The following RRP12 variants were observed in gnomAD, a reference collection of about 807,000 sequenced individuals.
RRP12 encodes RRP12-like protein.
RRP12 carries 78 observed loss-of-function variants against 157.3 expected under a neutral mutation model. The ratio of observed to expected loss-of-function variants is 0.50; its 90% CI spans 0.41 to 0.60. The LOEUF (loss-of-function observed/expected upper bound fraction) is 0.60, where lower values mean the gene tolerates loss of function less well. Ranked by LOEUF, RRP12 falls within the 20% of genes least tolerant of loss-of-function variation. RRP12 has a pLI of 0.00. For synonymous variants in RRP12, 726 were observed against 670.9 expected (o/e 1.08, Z -1.27); for missense variants, 1,521 against 1,679.9 (o/e 0.91, Z 1.65).
chr10:97,398,094 C>G (rs1225784446), intron 2 of RRP12, among the ~76,000 whole-genome samples: 1 of 69,718 alleles, frequency 1.4e-5, no homozygotes, highest in African/African-American at 8.0e-5. Flanking sequence ...GTTGCCCAGG[C>G]CGGACTGCGG....
intron 15 of RRP12, among the ~76,000 whole-genome samples, chr10:97,377,519 A>G (rs1412262783): frequency 1.4e-5 from 2 of 146,816 alleles, no homozygotes; most frequent in Non-Finnish European, 1.5e-5. Context: ...ACAGAACAAG[A>G]ATAAATGTGT....
At chr10:97,378,351 T>C (rs1396074699) in intron 15 of RRP12, among the ~76,000 whole-genome samples, 3 of 152,200 alleles carry the variant, frequency 2.0e-5, no homozygotes, top group African/African-American at 7.2e-5. Context: ...CTATGTGGTA[T>C]AGTCTATTGC....
Position 97,378,782 on chromosome 10 carries a change from G to A in RRP12, c.1798+511C>T, listed in dbSNP as rs370319748. 3.9e-5 allele frequency among the ~76,000 whole-genome samples: 6 copies of A among 152,070 alleles called. No individual in the cohort carries two copies. In the East Asian group the frequency reaches 7.7e-4, roughly 19 times the overall value. Reference sequence around the variant, plus strand: ...TGAGGCAGGAGAATCACTTGAACCCGGAAGGCGGAGGTTGCAGTGAGCCGA... The same window carrying A: ...TGAGGCAGGAGAATCACTTGAACCCAGAAGGCGGAGGTTGCAGTGAGCCGA... On this transcript the variant is annotated intron_variant, in intron 15 of 33. Transcript: ENST00000370992.
chr10:97,381,814 G>A lies in RRP12; in HGVS notation c.1221C>T (p.Asp407=). Residue 407 remains aspartate, a synonymous_variant, in exon 11 of 34, where the codon GAC becomes GAT. Coordinates refer to ENST00000370992, the MANE Select transcript of RRP12 (RefSeq NM_015179.4). ...AGCGAGGGAGGTGGCCTAGCCCCAG[G>A]TCCCACTGCAACCTGTCAAGACAAA... ...AHINLVRLQW[D]LGLGHLPRFF... The A allele has an allele frequency of 1.2e-6, 2 of 1,613,828 alleles. No individual in the cohort carries two copies. The highest frequency in any genetic ancestry group is 1.7e-6 in the Non-Finnish European group (2 of 1,179,754).
At chr10:97,378,984 G>T (rs938053793) in intron 15 of RRP12, among the ~76,000 whole-genome samples, 7 of 152,366 alleles carry the variant, frequency 4.6e-5, no homozygotes, top group Admixed American at 2.0e-4. Flanking sequence ...GCATGAGGAA[G>T]AAGGGGCACA....
chr10:97,369,326 A>G, intron 25 of RRP12, 99 bp downstream of exon 25: 1 of 1,304,878 alleles, frequency 7.7e-7, no homozygotes, highest in Non-Finnish European at 1.1e-6. Context: ...TGGCTACAAA[A>G]AAAATAGTTT....
At position 97,367,085 on chromosome 10, in the gene RRP12, G is replaced by C. The variant is rs754918493; in HGVS notation, c.3003C>G (p.Arg1001=). 6.8e-6 allele frequency: 11 copies of C among 1,614,082 alleles called. No homozygotes were observed. In the Admixed American group the frequency reaches 1.8e-4, roughly 27 times the overall value. ...TGGTGAACAGGTTCCGAAGCTTCAT[G>C]CGGAAGTGCCGCCGCATGTCATCTG... ...KLSDDMRRHF[R]MKLRNLFTKF... Residue 1001 remains arginine, a synonymous_variant, in exon 26 of 34, where the codon CGC becomes CGG. Coordinates refer to ENST00000370992, the MANE Select transcript of RRP12 (RefSeq NM_015179.4).
At chr10:97,398,032 TATACG>T (rs1564772554) in intron 2 of RRP12, among the ~76,000 whole-genome samples, 5 of 93,514 alleles carry the variant, frequency 5.3e-5, no homozygotes, top group African/African-American at 2.5e-4. Flanking sequence ...TGTATATATA[TATACG>T]TATTTTTTTT....
At chr10:97,374,171 G>T (rs570009613) in intron 15 of RRP12, among the ~76,000 whole-genome samples, 49 of 151,688 alleles carry the variant, frequency 3.2e-4, no homozygotes, top group Middle Eastern at 3.4e-3. Flanking sequence ...AATTTTTTTT[G>T]TTTGTTTGTT....
chr10:97,366,292 A>C, intron 28 of RRP12, 59 bp from the exon 29 acceptor site: 1 of 1,593,222 alleles, frequency 6.3e-7, no homozygotes, highest in Non-Finnish European at 8.5e-7. Flanking sequence ...ACTCACCCTC[A>C]TCATGACCAA....
At chr10:97,387,120 T>C (rs2133081228) in intron 8 of RRP12, among the ~76,000 whole-genome samples, 1 of 152,258 alleles carries the variant, frequency 6.6e-6, no homozygotes, top group African/African-American at 2.4e-5. Context: ...AGTATTTCCA[T>C]ATAACCTACA....
intron 15 of RRP12, among the ~76,000 whole-genome samples, chr10:97,376,160 A>C (rs987298470): frequency 6.6e-6 from 1 of 151,872 alleles, no homozygotes; most frequent in African/African-American, 2.4e-5. Context: ...AATACATTAA[A>C]AACTTGAGTA....
At chr10:97,358,266 G>A (rs1369820028) in intron 33 of RRP12, among the ~76,000 whole-genome samples, 2 of 152,148 alleles carry the variant, frequency 1.3e-5, no homozygotes, top group Admixed American at 1.3e-4. Context: ...CTGGGAGGCA[G>A]AGATTGCAGT....
At chr10:97,397,660 TA>T (rs1845005570) in intron 2 of RRP12, among the ~76,000 whole-genome samples, 1 of 151,374 alleles carries the variant, frequency 6.6e-6, no homozygotes, top group South Asian at 2.1e-4. Context: ...GAACAGTGGA[TA>T]AAAAATAAAC....
At chr10:97,374,400 G>A (rs564571983) in intron 15 of RRP12, among the ~76,000 whole-genome samples, 3 of 152,050 alleles carry the variant, frequency 2.0e-5, no homozygotes, top group East Asian at 3.9e-4. Context: ...AAGTTTGAGC[G>A]ATCCATGTGC....
Position 97,401,255 on chromosome 10 carries a change from T to A in RRP12, c.-24A>T. 1.2e-6 allele frequency: 2 copies of A among 1,612,548 alleles called. No homozygotes were observed. The highest frequency in any genetic ancestry group is 1.7e-6 in the Non-Finnish European group (2 of 1,178,660). ...ATGTTGACTAAGCCGTGGCGAGGAATGAGCTTAAATGACCGGCTTCCAGGG... is the reference window on the plus strand; with the variant it reads ...ATGTTGACTAAGCCGTGGCGAGGAAAGAGCTTAAATGACCGGCTTCCAGGG... On this transcript the variant is annotated 5_prime_UTR_variant, in exon 1 of 34. Transcript: ENST00000370992.
intron 2 of RRP12, among the ~76,000 whole-genome samples, chr10:97,399,122 A>G (rs1845065363): frequency 6.6e-6 from 1 of 151,930 alleles, no homozygotes; most frequent in Non-Finnish European, 1.5e-5. Flanking sequence ...AAAAACAGAA[A>G]ATTAGCCGGG....
At chr10:97,362,765 A>G (rs1843877913) in intron 30 of RRP12, among the ~76,000 whole-genome samples, 1 of 152,174 alleles carries the variant, frequency 6.6e-6, no homozygotes, top group South Asian at 2.1e-4. Flanking sequence ...AAGACTCTGG[A>G]TATGTACTCA....
At chr10:97,387,300 TTTC>T (rs1386016525) in intron 8 of RRP12, among the ~76,000 whole-genome samples, 1 of 151,912 alleles carries the variant, frequency 6.6e-6, no homozygotes, top group Non-Finnish European at 1.5e-5. Context: ...TCCTGAATAT[TTTC>T]TTTTCTTTTT....
Sources: allele counts gnomAD v4.1 joint callset (sites outside exome capture counted in the v4.1 genomes callset), GRCh38; gene constraint gnomAD v4.1.1; transcripts MANE v1.5; gene names NCBI Gene and HGNC (gene_info 2026-07-23, HGNC 2026-07-21).